The following GLIS3 variants were observed in gnomAD, a reference collection of about 807,000 sequenced individuals.
GLIS3 encodes the protein GLIS family zinc finger 3, also known as zinc finger protein GLIS3.
GLIS3 carries 53 observed loss-of-function variants against 78.6 expected under a neutral mutation model. That is an observed-to-expected ratio of 0.67 (90% CI 0.54 to 0.85). The LOEUF (loss-of-function observed/expected upper bound fraction) is 0.85. Ranked by LOEUF, GLIS3 falls within the 40% of genes least tolerant of loss-of-function variation. GLIS3 has a pLI of 0.00. For missense variants in GLIS3, 1,703 were observed against 1,231.1 expected, an observed-to-expected ratio of 1.38 and a Z score of -5.74; for synonymous variants, 684 against 509.9, an observed-to-expected ratio of 1.34 and a Z score of -4.60.
chr9:4,229,213 A>T (rs1004052648), intron 2 of GLIS3, among the ~76,000 whole-genome samples: 3 of 152,272 alleles, frequency 2.0e-5, no homozygotes, highest in Admixed American at 6.5e-5. Flanking sequence ...GCCTGAAGGC[A>T]TGGGCTGGAA....
rs373189863 is a variant in GLIS3, at chr9:4,204,002, T to C, written c.389-78061A>G. 1.7e-4 allele frequency among the ~76,000 whole-genome samples: 26 copies of C among 152,262 alleles called. No homozygotes were observed. The South Asian group carries it at 5.4e-3, about 32-fold the overall frequency. Reference sequence around the variant, plus strand: ...GCAAGGGTTGAAAAACTGTTGGGTATATGCTAGGTACCTGCGTTAACATGA... The same window carrying C: ...GCAAGGGTTGAAAAACTGTTGGGTACATGCTAGGTACCTGCGTTAACATGA... On this transcript the variant is annotated intron_variant, in intron 2 of 10. Coordinates refer to ENST00000381971, the MANE Select transcript of GLIS3 (RefSeq NM_001042413.2).
At chr9:4,387,534 G>C in the GLIS3 span, among the ~76,000 whole-genome samples, 28 of 152,282 alleles carry the variant, frequency 1.8e-4, no homozygotes, top group African/African-American at 6.0e-4. Flanking sequence ...TAAAATTTTT[G>C]AGAGAATACA....
intron 8 of GLIS3, among the ~76,000 whole-genome samples, chr9:3,859,938 A>G (rs1820071583): frequency 6.6e-6 from 1 of 152,158 alleles, no homozygotes. Flanking sequence ...CATGCAAAAG[A>G]AAAAAAGAAA....
chr9:4,490,447 G>C, the GLIS3 span: 1 of 296,956 alleles, frequency 3.4e-6, no homozygotes, highest in South Asian at 1.2e-4. Context: ...GGCAGCAGGA[G>C]GAGCCGGGCG....
At chr9:4,160,163 C>T (rs1835364195) in intron 2 of GLIS3, among the ~76,000 whole-genome samples, 1 of 152,196 alleles carries the variant, frequency 6.6e-6, no homozygotes, top group African/African-American at 2.4e-5. Context: ...GTCTATTTTG[C>T]CTCCGCTATT....
At chr9:4,470,951 T>C in the GLIS3 span, among the ~76,000 whole-genome samples, 1 of 151,996 alleles carries the variant, frequency 6.6e-6, no homozygotes. Flanking sequence ...AGCATTCTTA[T>C]ACACCAATAA....
chr9:3,935,093 A>G (rs1431883896), intron 5 of GLIS3, among the ~76,000 whole-genome samples: 2 of 152,200 alleles, frequency 1.3e-5, no homozygotes, highest in African/African-American at 4.8e-5. Flanking sequence ...TTGAAGAAAG[A>G]TACTTTATCC....
the GLIS3 span, among the ~76,000 whole-genome samples, chr9:4,355,360 C>T: frequency 2.5e-3 from 382 of 152,148 alleles, 1 homozygote; most frequent in Non-Finnish European, 4.8e-3. Flanking sequence ...TTAGGCAATG[C>T]ATATAGAGGG....
chr9:4,463,602 T>C, the GLIS3 span, among the ~76,000 whole-genome samples: 1 of 152,212 alleles, frequency 6.6e-6, no homozygotes, highest in Non-Finnish European at 1.5e-5. Flanking sequence ...TAGAGATATC[T>C]GCTGTTTTAG....
At chr9:4,321,159 G>A (rs982262790) in intron 2 of GLIS3, among the ~76,000 whole-genome samples, 14 of 151,128 alleles carry the variant, frequency 9.3e-5, no homozygotes, top group Non-Finnish European at 1.3e-4. Context: ...GGTGGCTCAC[G>A]CCTGTAATCC....
chr9:3,971,889 C>A (rs966442296), intron 4 of GLIS3, among the ~76,000 whole-genome samples: 1 of 152,120 alleles, frequency 6.6e-6, no homozygotes. Flanking sequence ...AGCAATGGCA[C>A]TGGAGGCAGT....
chr9:4,062,161 G>A (rs1394929420), intron 4 of GLIS3, among the ~76,000 whole-genome samples: 6 of 152,174 alleles, frequency 3.9e-5, no homozygotes, highest in Admixed American at 2.0e-4. Context: ...GTTCTTTGAC[G>A]CAAAGGAGCT....
At chr9:3,881,955 G>A (rs994283485) in intron 7 of GLIS3, among the ~76,000 whole-genome samples, 6 of 152,202 alleles carry the variant, frequency 3.9e-5, no homozygotes, top group African/African-American at 1.4e-4. Flanking sequence ...AATGTATTAT[G>A]ACAATTTATA....
chr9:4,260,562 G>C (rs1367875942), intron 2 of GLIS3, among the ~76,000 whole-genome samples: 1 of 109,176 alleles, frequency 9.2e-6, no homozygotes, highest in Non-Finnish European at 2.0e-5. Context: ...GTGAGACTCT[G>C]TCTCAAAAAA....
intron 1 of GLIS3, among the ~76,000 whole-genome samples, chr9:4,297,641 C>T (rs1194000455): frequency 3.3e-5 from 5 of 152,176 alleles, no homozygotes; most frequent in African/African-American, 9.7e-5. Flanking sequence ...CCTGTCTCTA[C>T]GGACCCTACT....
At position 4,117,713 on chromosome 9, in the gene GLIS3, C is replaced by A. The variant is rs927315; in HGVS notation, c.1710+55G>T. 1.9e-6 allele frequency: 3 copies of A among 1,609,438 alleles called. No homozygotes were observed. In the African/African-American group the frequency reaches 4.0e-5, roughly 22 times the overall value. On this transcript the variant is annotated intron_variant, in intron 4 of 10. Transcript: ENST00000381971. ...GCCGAGTTAGGAAAAAACACACGTA[C>A]GCAAAGCAAGCCGGGCCTTCAAGAG...
At chr9:4,088,613 C>T (rs1312595789) in intron 4 of GLIS3, among the ~76,000 whole-genome samples, 1 of 152,220 alleles carries the variant, frequency 6.6e-6, no homozygotes, top group Non-Finnish European at 1.5e-5. Flanking sequence ...ATGGAATTCA[C>T]TTCAATAAAT....
At chr9:4,144,626 T>C (rs981675182) in intron 2 of GLIS3, among the ~76,000 whole-genome samples, 3 of 152,190 alleles carry the variant, frequency 2.0e-5, no homozygotes, top group South Asian at 2.1e-4. Flanking sequence ...TTTTCACTTA[T>C]GAATAAAAAT....
At chr9:4,111,222 A>C (rs1360471141) in intron 4 of GLIS3, among the ~76,000 whole-genome samples, 2 of 152,240 alleles carry the variant, frequency 1.3e-5, no homozygotes, top group Non-Finnish European at 2.9e-5. Context: ...AAAAACACAA[A>C]ACAAATATGA....
Sources: allele counts gnomAD v4.1 joint callset (sites outside exome capture counted in the v4.1 genomes callset), GRCh38; gene constraint gnomAD v4.1.1; transcripts MANE v1.5; gene names NCBI Gene and HGNC (gene_info 2026-07-23, HGNC 2026-07-21).